Variants in LRRIQ1 observed in about 807,000 individuals in gnomAD.
LRRIQ1 encodes the protein leucine-rich repeat- and IQ domain-containing protein 1.
LRRIQ1 carries 210 observed loss-of-function variants against 211.9 expected under a neutral mutation model. That is an observed-to-expected ratio of 0.99 (90% confidence interval 0.89 to 1.11). The LOEUF (loss-of-function observed/expected upper bound fraction) is 1.11. Ranked by LOEUF, LRRIQ1 falls within the 50% of genes most tolerant of loss-of-function variation. The pLI is 0.00. For synonymous variants in LRRIQ1, 699 were observed against 650.1 expected (o/e 1.08, Z -1.14); for missense variants, 2,136 against 1,939.5 (o/e 1.10, Z -1.90).
Position 85,129,381 on chromosome 12 carries a change from G to A in LRRIQ1, c.4209+1348G>A, listed in dbSNP as rs554851342. ...AATGATAGTAATTAAACAAAATTTA[G>A]CATTTCCCTTTATTCATTCAGCAAA... is the stretch of plus-strand genomic sequence containing the variant. On this transcript the variant is annotated intron_variant, in intron 18 of 26. Transcript: ENST00000393217. 1.3e-4 allele frequency among the ~76,000 whole-genome samples: 20 copies of A among 152,156 alleles called. No homozygotes were observed. The South Asian group carries it at 4.0e-3, about 30-fold the overall frequency.
At chr12:85,189,831 T>C (rs1892403684) in intron 24 of LRRIQ1, among the ~76,000 whole-genome samples, 1 of 145,560 alleles carries the variant, frequency 6.9e-6, no homozygotes, top group East Asian at 2.0e-4. Context: ...AAATAATAAT[T>C]AAATATTATT....
chr12:85,057,295 G>GT (rs2135998713), intron 8 of LRRIQ1, 111 bp downstream of exon 8: 1 of 892,962 alleles, frequency 1.1e-6, no homozygotes, highest in African/African-American at 1.8e-5. Context: ...ATTGTCTCTT[G>GT]TTTAATAAAG....
chr12:85,129,276 C>T (rs570083709), intron 18 of LRRIQ1, among the ~76,000 whole-genome samples: 5 of 152,194 alleles, frequency 3.3e-5, no homozygotes, highest in African/African-American at 1.2e-4. Context: ...CAACAAGATT[C>T]CTACCTTCAT....
At chr12:85,155,343 A>T (rs1210668507) in intron 23 of LRRIQ1, among the ~76,000 whole-genome samples, 1 of 151,558 alleles carries the variant, frequency 6.6e-6, no homozygotes, top group Non-Finnish European at 1.5e-5. Context: ...GCTCCTATTA[A>T]GTTCATCAGG....
At chr12:85,137,667 T>C (rs1191367660) in intron 18 of LRRIQ1, among the ~76,000 whole-genome samples, 183 bp from the exon 19 acceptor site, 1 of 151,656 alleles carries the variant, frequency 6.6e-6, no homozygotes, top group Admixed American at 6.6e-5. Flanking sequence ...TTCAGAACTT[T>C]AGACACATGT....
chr12:85,180,801 T>C (rs1891942990), intron 24 of LRRIQ1, among the ~76,000 whole-genome samples: 1 of 151,856 alleles, frequency 6.6e-6, no homozygotes, highest in Non-Finnish European at 1.5e-5. Flanking sequence ...AATTTAGAAT[T>C]TGATTATAGT....
chr12:85,055,402 A>G (rs1880865767), intron 7 of LRRIQ1, 145 bp from the exon 8 acceptor site: 1 of 585,930 alleles, frequency 1.7e-6, no homozygotes, highest in South Asian at 6.0e-5. Flanking sequence ...AAGATAAATG[A>G]CTTTAGTTTC....
chr12:85,170,082 A>G (rs908130213), intron 24 of LRRIQ1, among the ~76,000 whole-genome samples: 6 of 152,002 alleles, frequency 3.9e-5, no homozygotes, highest in African/African-American at 1.4e-4. Context: ...AACTTTTAAA[A>G]CGTTTATATC....
downstream of LRRIQ1, chr12:85,245,114 GT>G: frequency 5.2e-6 from 6 of 1,156,146 alleles, no homozygotes; most frequent in Non-Finnish European, 1.2e-6. Context: ...AACTGCATCA[GT>G]TTTTATTTTA....
intron 16 of LRRIQ1, among the ~76,000 whole-genome samples, chr12:85,123,475 A>G (rs1888133120): frequency 6.6e-6 from 1 of 152,134 alleles, no homozygotes; most frequent in African/African-American, 2.4e-5. Context: ...AAATCCAGCC[A>G]ACATTAAATT....
intron 19 of LRRIQ1, among the ~76,000 whole-genome samples, chr12:85,148,749 A>G (rs1292343299): frequency 6.6e-6 from 1 of 151,978 alleles, no homozygotes; most frequent in African/African-American, 2.4e-5. Context: ...TGGTTGAACT[A>G]AATTACATTA....
intron 24 of LRRIQ1, among the ~76,000 whole-genome samples, chr12:85,200,883 G>A (rs572041757): frequency 1.3e-3 from 195 of 151,850 alleles, no homozygotes; most frequent in African/African-American, 4.3e-3. Flanking sequence ...GCAGTGGAGC[G>A]ATCTCAGCTC....
chr12:85,137,603 T>A (rs946180984), intron 18 of LRRIQ1, among the ~76,000 whole-genome samples: 1 of 151,548 alleles, frequency 6.6e-6, no homozygotes, highest in Non-Finnish European at 1.5e-5. Flanking sequence ...ACATGTGCAG[T>A]TGAGGGAGTT....
chr12:85,169,963 G>T (rs1418443576), intron 24 of LRRIQ1, among the ~76,000 whole-genome samples: 3 of 151,900 alleles, frequency 2.0e-5, no homozygotes, highest in African/African-American at 7.3e-5. Flanking sequence ...TATATTCTAG[G>T]CAGTATCACA....
chr12:85,121,383 T>G (rs1887972485), intron 15 of LRRIQ1, among the ~76,000 whole-genome samples: 1 of 152,214 alleles, frequency 6.6e-6, no homozygotes, highest in Non-Finnish European at 1.5e-5. Context: ...ATTATTATTC[T>G]TTTCATAATG....
chr12:85,037,498 TTTTC>T (rs1268380109), intron 1 of LRRIQ1, among the ~76,000 whole-genome samples: 1 of 152,162 alleles, frequency 6.6e-6, no homozygotes, highest in Non-Finnish European at 1.5e-5. Context: ...TTTTCTTTTC[TTTTC>T]TTTCTTTTCC....
intron 11 of LRRIQ1, among the ~76,000 whole-genome samples, chr12:85,087,213 A>G (rs1233267872): frequency 4.6e-5 from 7 of 152,044 alleles, no homozygotes; most frequent in Non-Finnish European, 7.4e-5. Context: ...TGTCCTTGCA[A>G]TAGTTTGCTC....
At chr12:85,231,999 T>C (rs1167183445) in intron 25 of LRRIQ1, among the ~76,000 whole-genome samples, 4 of 152,124 alleles carry the variant, frequency 2.6e-5, no homozygotes, top group African/African-American at 7.2e-5. Context: ...AGAGGTCTTG[T>C]TCAGAAAATT....
chr12:85,118,029 CT>C (rs936334620), intron 15 of LRRIQ1, among the ~76,000 whole-genome samples: 81 of 152,180 alleles, frequency 5.3e-4, no homozygotes, highest in African/African-American at 1.9e-3. Flanking sequence ...AGTAACCTTT[CT>C]TTGTTTTGAA....
Sources: gnomAD v4.1 joint callset for allele counts (sites outside exome capture counted in the v4.1 genomes callset) on GRCh38, gnomAD v4.1.1 for gene constraint, MANE v1.5 for transcripts, NCBI Gene and HGNC (gene_info 2026-07-23, HGNC 2026-07-21) for gene names.